Variants in KIF16B observed in about 807,000 individuals in gnomAD.
KIF16B encodes the protein kinesin family member 16B.
KIF16B carries 98 observed loss-of-function variants against 156.3 expected under a neutral mutation model. That is an observed-to-expected ratio of 0.63 (90% CI 0.53 to 0.74). The LOEUF is 0.74. Ranked by LOEUF, KIF16B falls within the 30% of genes least tolerant of loss-of-function variation. The pLI is 0.00. For missense variants in KIF16B, 1,421 were observed against 1,606.5 expected (o/e 0.88, Z 1.97); for synonymous variants, 564 against 583.7 (o/e 0.97, Z 0.49).
chr20:16,483,673 T>C (rs1224501044), intron 12 of KIF16B, among the ~76,000 whole-genome samples: 1 of 152,224 alleles, frequency 6.6e-6, no homozygotes, highest in East Asian at 1.9e-4. Context: ...CATCTTGCAG[T>C]GAGGTTCTGA....
chr20:16,432,712 C>A (rs774298718), intron 12 of KIF16B, among the ~76,000 whole-genome samples: 1 of 151,542 alleles, frequency 6.6e-6, no homozygotes, highest in African/African-American at 2.4e-5. Context: ...TGAAGTCATG[C>A]GAGAGGGCGG....
At position 16,379,234 on chromosome 20, in the gene KIF16B, T is replaced by A; in HGVS notation, c.2768A>T (p.Glu923Val). ...AAGAATTTCAAATGCTCTCTGCTTT[T>A]CTTCCAACAGAGTTGGCAAGTGATT... ...LQNHLPTLLEEKQRAFEILDR... is the reference protein window; with the variant it reads ...LQNHLPTLLEVKQRAFEILDR... The change falls in exon 19 of 26, where the codon GAA (glutamate) becomes GTA (valine). Residue 923 changes from glutamate (E) to valine (V), a missense_variant. By Grantham distance (121) the Glu-to-Val change is moderately radical. Coordinates refer to ENST00000354981, the MANE Select transcript of KIF16B (RefSeq NM_024704.5). 6.2e-7 allele frequency: 1 copy of A among 1,614,222 alleles called. No individual in the cohort carries two copies.
intron 24 of KIF16B, among the ~76,000 whole-genome samples, chr20:16,325,651 C>T (rs969666172): frequency 1.3e-5 from 2 of 151,482 alleles, no homozygotes; most frequent in Admixed American, 6.6e-5. Flanking sequence ...ATAGATGACA[C>T]AAACAAATGG....
Position 16,558,415 on chromosome 20 carries a change from CAAG to C in KIF16B, c.47+14811_47+14813del, listed in dbSNP as rs1264839822. ...TGTGTCTCTCCCACACCAAAGCAGC[CAAG>C]AAGAAGGTGTGCCTCCTCCACCCTC... On this transcript the variant is annotated intron_variant, in intron 1 of 25. Coordinates refer to ENST00000354981, the MANE Select transcript of KIF16B (RefSeq NM_024704.5). 2.0e-5 allele frequency among the ~76,000 whole-genome samples: 3 copies of C among 152,296 alleles called. No individual in the cohort carries two copies. In the East Asian group the frequency reaches 5.8e-4, roughly 29 times the overall value.
At chr20:16,443,432 T>G (rs987519741) in intron 12 of KIF16B, among the ~76,000 whole-genome samples, 3 of 152,202 alleles carry the variant, frequency 2.0e-5, no homozygotes, top group Non-Finnish European at 2.9e-5. Flanking sequence ...TAATATTTTG[T>G]AAAACCATCT....
chr20:16,333,546 T>C (rs1482561014), intron 24 of KIF16B, among the ~76,000 whole-genome samples: 2 of 152,250 alleles, frequency 1.3e-5, no homozygotes, highest in African/African-American at 4.8e-5. Flanking sequence ...GAAGGTTTTT[T>C]AAAACATGTT....
intron 10 of KIF16B, 94 bp downstream of exon 10, chr20:16,504,274 CAAAT>C: frequency 2.4e-6 from 3 of 1,238,452 alleles, no homozygotes; most frequent in Non-Finnish European, 3.5e-6. Flanking sequence ...CTTATTTACT[CAAAT>C]CAATAGCATG....
chr20:16,512,913 C>A lies in KIF16B; in HGVS notation c.359G>T (p.Gly120Val). 6.2e-7 allele frequency: 1 copy of A among 1,607,726 alleles called. No individual in the cohort carries two copies. Among genetic ancestry groups the A allele is most frequent in the Non-Finnish European group, 8.5e-7 (1 of 1,174,254 alleles). ...TCCTTCACAGATCCGAGGTATTAAG[C>A]CAGAATCTCCCTGCATGGGAAAGAC... ...YTMMGNSGDS[G>V]LIPRICEGLF... is the part of the protein sequence containing the mutation. The change falls in exon 5 of 26, where the codon GGC becomes GTC. Residue 120 changes from glycine (G) to valine (V), a missense_variant. By Grantham distance (109) the Gly-to-Val change is moderately radical. Transcript: ENST00000354981.
At chr20:16,492,835 A>C (rs1355710932) in intron 12 of KIF16B, among the ~76,000 whole-genome samples, 1 of 152,098 alleles carries the variant, frequency 6.6e-6, no homozygotes, top group Non-Finnish European at 1.5e-5. Context: ...TTTTTCCTTA[A>C]GTAAAGTAGA....
intron 25 of KIF16B, among the ~76,000 whole-genome samples, chr20:16,303,209 G>A (rs945392341): frequency 1.3e-5 from 2 of 152,104 alleles, no homozygotes; most frequent in East Asian, 3.8e-4. Flanking sequence ...TCCATTTTAT[G>A]CGTAATAAAA....
rs558323824 is a variant in KIF16B at position 16,290,845 on chromosome 20, G to C, written c.3796-17434C>G. Reference sequence around the variant, plus strand: ...AAGAGGGAGGTAGGGAGAAAAGCCAGATCAAAACTTCTCAAATGCCAACAT... The same window carrying C: ...AAGAGGGAGGTAGGGAGAAAAGCCACATCAAAACTTCTCAAATGCCAACAT... On this transcript the variant is annotated intron_variant, in intron 25 of 25. Transcript: ENST00000354981. Among the ~76,000 whole-genome samples, 14 of 152,314 alleles carry C rather than the reference G, an allele frequency of 9.2e-5. No individual in the cohort carries two copies. In the South Asian group the frequency reaches 2.9e-3, roughly 32 times the overall value.
intron 10 of KIF16B, among the ~76,000 whole-genome samples, chr20:16,498,966 G>T (rs2068536529): frequency 6.6e-6 from 1 of 151,896 alleles, no homozygotes; most frequent in Non-Finnish European, 1.5e-5. Context: ...GGCCACACCT[G>T]GTATCTGTAT....
intron 7 of KIF16B, 29 bp downstream of exon 7, chr20:16,507,929 G>C: frequency 6.2e-7 from 1 of 1,613,408 alleles, no homozygotes; most frequent in South Asian, 1.1e-5. Flanking sequence ...CTCAGGGATG[G>C]AGCCAGCTGG....
At position 16,369,132 on chromosome 20, in the gene KIF16B, G is replaced by T. The variant is rs552461431; in HGVS notation, c.3498+1454C>A. On this transcript the variant is annotated intron_variant, in intron 22 of 25. Transcript: ENST00000354981. ...AGGAAGTTGTTTTAGGGCCTGAGAC[G>T]CTCCACAGCATGGGATGATCCCAGT... is the stretch of plus-strand genomic sequence containing the variant. 3.0e-6 allele frequency: 3 copies of T among 985,684 alleles called. No individual in the cohort carries two copies. The African/African-American group carries it at 5.2e-5, about 17-fold the overall frequency. The allele number at this position is 985,684 out of a possible 1,614,324, so 61.1% of individuals were successfully genotyped here.
chr20:16,428,937 T>G lies in KIF16B; in HGVS notation c.1474+16A>C. 1 of 1,609,010 alleles carries G rather than the reference T, an allele frequency of 6.2e-7. No homozygotes were observed. On this transcript the variant is annotated intron_variant, in intron 14 of 25. Coordinates refer to ENST00000354981, the MANE Select transcript of KIF16B (RefSeq NM_024704.5). ...TAAAAAATCATTGGGAACAGATCAC[T>G]GATAAATATGCTCACCAATATCTTG...
intron 1 of KIF16B, among the ~76,000 whole-genome samples, chr20:16,558,447 C>G (rs1389019854): frequency 1.3e-5 from 2 of 152,240 alleles, no homozygotes; most frequent in African/African-American, 4.8e-5. Context: ...CACCCTCTCC[C>G]CTCTTCCGCT....
chr20:16,504,929 A>G (rs1429132526), intron 9 of KIF16B, among the ~76,000 whole-genome samples: 3 of 88,846 alleles, frequency 3.4e-5, no homozygotes, highest in East Asian at 4.7e-4. Context: ...TACTGTCTGG[A>G]AAAAAAAACA....
At chr20:16,488,034 C>T (rs190187632) in intron 12 of KIF16B, among the ~76,000 whole-genome samples, 1 of 152,230 alleles carries the variant, frequency 6.6e-6, no homozygotes, top group Non-Finnish European at 1.5e-5. Context: ...TGCATGTGAG[C>T]GCCTGCTTCT....
chr20:16,477,744 C>T (rs1025817924), intron 12 of KIF16B, among the ~76,000 whole-genome samples: 7 of 152,138 alleles, frequency 4.6e-5, no homozygotes, highest in African/African-American at 1.4e-4. Flanking sequence ...ATATGCCTGG[C>T]GTTTTCTACT....
Sources: allele counts gnomAD v4.1 joint callset (sites outside exome capture counted in the v4.1 genomes callset), GRCh38; gene constraint gnomAD v4.1.1; transcripts MANE v1.5; gene names NCBI Gene and HGNC (gene_info 2026-07-23, HGNC 2026-07-21).